Variants in PTK2 observed in about 807,000 individuals in gnomAD.
PTK2 encodes the protein protein tyrosine kinase 2, also known as focal adhesion kinase 1.
In PTK2, 45 loss-of-function variants were observed where a neutral mutation model predicts 150.1. The observed-to-expected ratio is 0.30, with a 90% CI of 0.24 to 0.38. PTK2 has a LOEUF of 0.38. Among genes scored for constraint, PTK2 ranks in the 10% least tolerant of loss-of-function variants. The pLI, the probability that PTK2 is intolerant of heterozygous loss-of-function variation, is 1.00. For synonymous variants in PTK2, 432 were observed against 449.2 expected (o/e 0.96, Z 0.48); for missense variants, 919 against 1,307.3 (o/e 0.70, Z 4.58).
At chr8:140,732,549 G>A in intron 22 of PTK2, 1 of 528,762 alleles carries the variant, frequency 1.9e-6, no homozygotes, top group South Asian at 1.4e-5. Flanking sequence ...CTGGCCTGGA[G>A]GTTTGGGCAA....
intron 1 of PTK2, among the ~76,000 whole-genome samples, chr8:140,960,497 C>T (rs930447553): frequency 1.3e-5 from 2 of 151,914 alleles, no homozygotes; most frequent in African/African-American, 2.4e-5. Context: ...TATGAGCCAC[C>T]GCGGCTGGCC....
intron 4 of PTK2, among the ~76,000 whole-genome samples, chr8:140,869,586 T>A (rs1032766693): frequency 1.1e-4 from 16 of 150,218 alleles, no homozygotes; most frequent in Non-Finnish European, 1.6e-4. Context: ...AACCTTTTTT[T>A]TTTAAGCAAA....
At chr8:140,942,950 C>T (rs1438871609) in intron 1 of PTK2, among the ~76,000 whole-genome samples, 1 of 151,962 alleles carries the variant, frequency 6.6e-6, no homozygotes, top group Admixed American at 6.6e-5. Context: ...AAGTGTATGG[C>T]ACCTCCCACT....
intron 23 of PTK2, among the ~76,000 whole-genome samples, chr8:140,708,574 C>T (rs1411644591): frequency 6.6e-6 from 1 of 152,062 alleles, no homozygotes; most frequent in Non-Finnish European, 1.5e-5. Context: ...TTGGCTTAAC[C>T]CTGTCACGTT....
intron 23 of PTK2, among the ~76,000 whole-genome samples, chr8:140,716,023 T>C (rs2100039504): frequency 1.3e-5 from 2 of 152,222 alleles, no homozygotes; most frequent in Admixed American, 6.5e-5. Context: ...CATTACCAAA[T>C]ACTTATGTTA....
At chr8:140,667,752 C>T (rs1433456538) in intron 30 of PTK2, among the ~76,000 whole-genome samples, 5 of 152,172 alleles carry the variant, frequency 3.3e-5, no homozygotes, top group African/African-American at 4.8e-5. Flanking sequence ...ACATACCCAA[C>T]CCTTAGCTTA....
Position 140,804,136 on chromosome 8 carries a change from C to G in PTK2, c.868-486G>C, listed in dbSNP as rs556514663. ...CTGTAGCTAGGGAGACAGTAGGTAC[C>G]CAAAGGGCCCTTCCCAATACAGAAT... On this transcript the variant is annotated intron_variant, in intron 10 of 31. Transcript: ENST00000522684. 4.6e-5 allele frequency among the ~76,000 whole-genome samples: 7 copies of G among 152,178 alleles called. No individual in the cohort carries two copies. In the South Asian group the frequency reaches 1.5e-3, roughly 32 times the overall value.
chr8:140,863,048 T>C (rs1049733677), intron 5 of PTK2, among the ~76,000 whole-genome samples: 2 of 152,208 alleles, frequency 1.3e-5, no homozygotes, highest in Non-Finnish European at 2.9e-5. Flanking sequence ...ATCTTTTAAA[T>C]GGTAACATCT....
At chr8:140,860,302 A>G (rs1235764472) in intron 5 of PTK2, among the ~76,000 whole-genome samples, 1 of 152,182 alleles carries the variant, frequency 6.6e-6, no homozygotes, top group African/African-American at 2.4e-5. Flanking sequence ...TTTCTTTTGA[A>G]TAAATTCATA....
intron 27 of PTK2, among the ~76,000 whole-genome samples, chr8:140,679,088 G>C (rs1350024542): frequency 1.5e-5 from 2 of 129,502 alleles, no homozygotes; most frequent in Non-Finnish European, 3.1e-5. Context: ...GCAGTGGTGT[G>C]ATCTTGGCTC....
intron 1 of PTK2, among the ~76,000 whole-genome samples, chr8:140,994,865 A>G (rs2100197019): frequency 6.6e-6 from 1 of 152,144 alleles, no homozygotes; most frequent in African/African-American, 2.4e-5. Flanking sequence ...TGGGAGGATC[A>G]TCTGAGGTCA....
intron 16 of PTK2, among the ~76,000 whole-genome samples, chr8:140,755,834 A>G (rs2100065358): frequency 6.6e-6 from 1 of 152,204 alleles, no homozygotes; most frequent in Non-Finnish European, 1.5e-5. Flanking sequence ...TGCCCATGAA[A>G]TTTATGCCAC....
intron 1 of PTK2, among the ~76,000 whole-genome samples, chr8:140,945,496 G>A (rs1361524393): frequency 6.6e-6 from 1 of 152,056 alleles, no homozygotes; most frequent in Non-Finnish European, 1.5e-5. Flanking sequence ...TGAGGCAGGA[G>A]GATCATTTGA....
At chr8:140,903,691 T>G (rs1019571695) in intron 2 of PTK2, among the ~76,000 whole-genome samples, 3 of 152,208 alleles carry the variant, frequency 2.0e-5, no homozygotes, top group Non-Finnish European at 4.4e-5. Context: ...AGCAGTGGTT[T>G]GTAGTTCTCC....
intron 27 of PTK2, 82 bp from the exon 31 acceptor site, chr8:140,675,581 C>G (rs2100013154): frequency 9.7e-7 from 1 of 1,033,182 alleles, no homozygotes; most frequent in African/African-American, 1.6e-5. Flanking sequence ...GTCTATCCAC[C>G]CCCTTGAACT....
intron 1 of PTK2, among the ~76,000 whole-genome samples, chr8:140,938,061 C>T (rs1465185020): frequency 1.3e-5 from 2 of 152,194 alleles, no homozygotes; most frequent in Admixed American, 6.5e-5. Context: ...ACAACACAAC[C>T]TCCTCTTCAC....
chr8:140,702,499 T>C (rs747762357), intron 25 of PTK2, 71 bp downstream of exon 28: 2 of 1,552,100 alleles, frequency 1.3e-6, no homozygotes. Flanking sequence ...GGATTACAAG[T>C]GTAAGCCACC....
intron 5 of PTK2, among the ~76,000 whole-genome samples, chr8:140,855,219 C>T (rs1351023006): frequency 6.6e-6 from 1 of 152,056 alleles, no homozygotes; most frequent in African/African-American, 2.4e-5. Flanking sequence ...TCACTATGTG[C>T]CAGACATTTC....
chr8:140,837,824 C>T (rs1201978066), intron 7 of PTK2, among the ~76,000 whole-genome samples: 4 of 151,854 alleles, frequency 2.6e-5, no homozygotes, highest in East Asian at 1.9e-4. Context: ...TTTAGAAGGC[C>T]GATGCGGGCT....
Sources: allele counts gnomAD v4.1 joint callset (sites outside exome capture counted in the v4.1 genomes callset), GRCh38; gene constraint gnomAD v4.1.1; transcripts MANE v1.5; gene names NCBI Gene and HGNC (gene_info 2026-07-23, HGNC 2026-07-21).